Variants in PIK3C2G observed in about 807,000 individuals in gnomAD.
PIK3C2G encodes phosphatidylinositol 3-kinase C2 domain-containing subunit gamma.
A neutral mutation model predicts 181.1 loss-of-function variants in PIK3C2G; 168 were observed. That is an observed-to-expected ratio of 0.93 (90% CI 0.82 to 1.05). The LOEUF is 1.05. PIK3C2G is among the 50% of genes least tolerant of loss of function. The pLI is 0.00. For missense variants in PIK3C2G, 1,869 were observed against 1,732.8 expected (o/e 1.08, Z -1.40); for synonymous variants, 573 against 592.2 (o/e 0.97, Z 0.47).
chr12:18,642,786 CTGTGTGTGTGTGTGTG>C (rs56095750), intron 32 of PIK3C2G, among the ~76,000 whole-genome samples: 6,091 of 143,162 alleles, frequency 0.043, 417 homozygotes, highest in African/African-American at 0.15. Flanking sequence ...ATAAGTGACA[CTGTGTGTGTGTGTGTG>C]TGTGTGTGTG....
chr12:18,726,275 A>G, the PIK3C2G span, among the ~76,000 whole-genome samples: 1 of 152,302 alleles, frequency 6.6e-6, no homozygotes, highest in Admixed American at 6.5e-5. Flanking sequence ...GTTTCGTATT[A>G]ATCATTAAAC....
At chr12:18,244,204 T>C (rs1948015761), upstream of PIK3C2G, among the ~76,000 whole-genome samples, 2 of 151,998 alleles carry the variant, frequency 1.3e-5, no homozygotes, top group Non-Finnish European at 2.9e-5. Context: ...CCCCAAATTC[T>C]ATAATCTGTA....
chr12:18,699,849 A>G, the PIK3C2G span: 1,643 of 1,613,448 alleles, frequency 1.0e-3, 1 homozygote, highest in Non-Finnish European at 1.3e-3. Flanking sequence ...TATTTTCATT[A>G]AATTGCTGAT....
chr12:18,372,257 T>G (rs754448933), intron 13 of PIK3C2G, among the ~76,000 whole-genome samples: 17 of 151,782 alleles, frequency 1.1e-4, no homozygotes, highest in Admixed American at 2.0e-4. Flanking sequence ...TTTTCATGCT[T>G]TAGCCCATTT....
chr12:18,606,189 T>C (rs1307361113), intron 30 of PIK3C2G, among the ~76,000 whole-genome samples: 1 of 152,160 alleles, frequency 6.6e-6, no homozygotes, highest in Non-Finnish European at 1.5e-5. Context: ...AACTATCATC[T>C]TCAGTCAGTT....
chr12:18,387,418 ACTTCAAG>A, intron 14 of PIK3C2G, among the ~76,000 whole-genome samples: 1 of 152,118 alleles, frequency 6.6e-6, no homozygotes, highest in Non-Finnish European at 1.5e-5. Flanking sequence ...CCTGTTTGAC[ACTTCAAG>A]CTTCAATAAC....
At chr12:18,631,832 A>G (rs1565581592) in intron 31 of PIK3C2G, among the ~76,000 whole-genome samples, 1 of 152,126 alleles carries the variant, frequency 6.6e-6, no homozygotes, top group Non-Finnish European at 1.5e-5. Context: ...GGAATAGAAG[A>G]TAGATTCAGA....
At chr12:18,697,456 T>C in the PIK3C2G span, among the ~76,000 whole-genome samples, 1 of 152,184 alleles carries the variant, frequency 6.6e-6, no homozygotes, top group Non-Finnish European at 1.5e-5. Context: ...TGAGTCTTAA[T>C]GTTTCTCATT....
At chr12:18,483,327 G>A (rs1479527454) in intron 18 of PIK3C2G, among the ~76,000 whole-genome samples, 1 of 152,074 alleles carries the variant, frequency 6.6e-6, no homozygotes, top group East Asian at 1.9e-4. Flanking sequence ...TACTCAGAGA[G>A]CATCTCCTAT....
At chr12:18,568,953 A>T (rs915053611) in intron 29 of PIK3C2G, among the ~76,000 whole-genome samples, 1 of 152,164 alleles carries the variant, frequency 6.6e-6, no homozygotes, top group African/African-American at 2.4e-5. Context: ...GAACAGTTCA[A>T]GGGTAAATTA....
chr12:18,654,386 G>A, the PIK3C2G span, among the ~76,000 whole-genome samples: 1 of 150,884 alleles, frequency 6.6e-6, no homozygotes, highest in East Asian at 1.9e-4. Context: ...AATCACACTT[G>A]CTTTTTAAAA....
the PIK3C2G span, among the ~76,000 whole-genome samples, chr12:18,702,086 ATACT>A: frequency 6.6e-6 from 1 of 152,142 alleles, no homozygotes; most frequent in Non-Finnish European, 1.5e-5. Context: ...ATATATATAA[ATACT>A]TACCATGATA....
At chr12:18,434,098 G>T (rs557006852) in intron 18 of PIK3C2G, among the ~76,000 whole-genome samples, 8 of 152,296 alleles carry the variant, frequency 5.3e-5, no homozygotes, top group African/African-American at 1.9e-4. Flanking sequence ...AGCAGGTTTG[G>T]TGTCTGGTAA....
the PIK3C2G span, among the ~76,000 whole-genome samples, chr12:18,675,710 A>C: frequency 2.0e-5 from 3 of 152,162 alleles, no homozygotes; most frequent in Non-Finnish European, 4.4e-5. Context: ...GAATAAAATT[A>C]TATCTTTTGC....
At chr12:18,336,618 A>G (rs2095899568) in intron 8 of PIK3C2G, among the ~76,000 whole-genome samples, 1 of 152,176 alleles carries the variant, frequency 6.6e-6, no homozygotes, top group Admixed American at 6.5e-5. Flanking sequence ...GAGTTCACAC[A>G]TAAGTGAAAT....
intron 31 of PIK3C2G, among the ~76,000 whole-genome samples, chr12:18,631,945 G>A (rs552519823): frequency 2.6e-5 from 4 of 152,216 alleles, no homozygotes; most frequent in Admixed American, 6.5e-5. Context: ...TTCTTATTTG[G>A]GAGTCATCTA....
chr12:18,386,995 A>G (rs929227356), intron 14 of PIK3C2G, among the ~76,000 whole-genome samples: 11 of 152,136 alleles, frequency 7.2e-5, no homozygotes, highest in African/African-American at 2.7e-4. Flanking sequence ...TGGATATTCT[A>G]TTGGCAGCTT....
intron 12 of PIK3C2G, among the ~76,000 whole-genome samples, chr12:18,365,458 C>T (rs1309946774): frequency 6.6e-6 from 1 of 152,144 alleles, no homozygotes; most frequent in East Asian, 1.9e-4. Flanking sequence ...AAATTGTCAC[C>T]AGTAACCTTC....
chr12:18,622,172 G>A (rs956129660), intron 31 of PIK3C2G, among the ~76,000 whole-genome samples: 1 of 151,810 alleles, frequency 6.6e-6, no homozygotes, highest in Non-Finnish European at 1.5e-5. Flanking sequence ...TATTTCTCTT[G>A]TCTAACTAGG....
Sources: gnomAD v4.1 joint callset for allele counts (sites outside exome capture counted in the v4.1 genomes callset) on GRCh38, gnomAD v4.1.1 for gene constraint, MANE v1.5 for transcripts, NCBI Gene and HGNC (gene_info 2026-07-23, HGNC 2026-07-21) for gene names.